PEX1: variants seen among roughly 807,000 people sequenced by gnomAD.
PEX1 encodes the protein peroxisomal biogenesis factor 1.
A neutral mutation model predicts 152.5 loss-of-function variants in PEX1; 97 were observed. The observed-to-expected ratio is 0.64, with a 90% confidence interval of 0.54 to 0.75. The LOEUF (loss-of-function observed/expected upper bound fraction) is 0.75. Ranked by LOEUF, PEX1 falls within the 30% of genes least tolerant of loss-of-function variation. PEX1 has a pLI of 0.00. For missense variants in PEX1, 1,357 were observed against 1,516.3 expected (o/e 0.89, Z 1.74); for synonymous variants, 485 against 531.6 (o/e 0.91, Z 1.21).
At chr7:92,508,956 A>C (rs1792324431) in intron 9 of PEX1, among the ~76,000 whole-genome samples, 1 of 152,062 alleles carries the variant, frequency 6.6e-6, no homozygotes, top group South Asian at 2.1e-4. Context: ...AAATGTATTT[A>C]TTTGTTCTAA....
At chr7:92,506,876 A>G in intron 10 of PEX1, 118 bp downstream of exon 10, 1 of 954,912 alleles carries the variant, frequency 1.0e-6, no homozygotes, top group Non-Finnish European at 1.7e-6. Context: ...ATGTCGTATA[A>G]ACCCTATATA....
chr7:92,501,999 C>T lies in PEX1; in HGVS notation c.2307G>A (p.Leu769=), dbSNP rs754561360. 11 of 1,612,996 alleles carry T rather than the reference C, an allele frequency of 6.8e-6. No homozygotes were observed. The South Asian group carries it at 1.1e-4, about 16-fold the overall frequency. Reference sequence around the variant, plus strand: ...CGCCAGTTTCTTTAGCTACATGCTGCAGGTCAAGATCGGTGAACTTGTTTA... The same window carrying T: ...CGCCAGTTTCTTTAGCTACATGCTGTAGGTCAAGATCGGTGAACTTGTTTA... ...CDINKFTDLD[L]QHVAKETGGF... The change falls in exon 14 of 24, where the codon CTG becomes CTA. Residue 769 remains leucine, a synonymous_variant. Coordinates refer to ENST00000248633, the MANE Select transcript of PEX1 (RefSeq NM_000466.3).
chr7:92,503,214 G>A lies in PEX1; in HGVS notation c.2072-19C>T, dbSNP rs1585233654. 1 of 1,607,756 alleles carries A rather than the reference G, an allele frequency of 6.2e-7. No individual in the cohort carries two copies. Among genetic ancestry groups the A allele is most frequent in the South Asian group, 1.1e-5 (1 of 90,860 alleles). ...TTCAAAGCTGGAATTAAGCAATATA[G>A]TGCAAAAGCTTAGGAAAAGTAAACA... On this transcript the variant is annotated intron_variant, in intron 12 of 23. Coordinates refer to ENST00000248633, the MANE Select transcript of PEX1 (RefSeq NM_000466.3).
At chr7:92,518,115 A>T (rs758863520) in intron 4 of PEX1, 26 bp downstream of exon 4, 68 of 1,604,090 alleles carry the variant, frequency 4.2e-5, no homozygotes, top group Non-Finnish European at 5.6e-5. Context: ...GTAGAATATG[A>T]CAGCAAATAT....
chr7:92,528,199 G>C, intron 1 of PEX1, 108 bp downstream of exon 1: 1 of 1,449,772 alleles, frequency 6.9e-7, no homozygotes, highest in South Asian at 1.2e-5. Context: ...ATCTCTGCGC[G>C]CTTCGGCGGC....
At chr7:92,516,856 C>T (rs149179480) in intron 5 of PEX1, among the ~76,000 whole-genome samples, 1 of 152,336 alleles carries the variant, frequency 6.6e-6, no homozygotes, top group East Asian at 1.9e-4. Flanking sequence ...TCTCTCCCTA[C>T]ACTGGCCCTT....
chr7:92,528,456 G>A lies in PEX1; in HGVS notation c.-21C>T, dbSNP rs751946720. ...CACATCGTCCCGGAGCGTCGCTCTG[G>A]GTTCGCCCACCCTAGCGCCGCAAAG... On this transcript the variant is annotated 5_prime_UTR_variant, in exon 1 of 24. Transcript: ENST00000248633. 1 of 1,569,562 alleles carries A rather than the reference G, an allele frequency of 6.4e-7. No individual in the cohort carries two copies. The highest frequency in any genetic ancestry group is 8.6e-7 in the Non-Finnish European group (1 of 1,160,086).
At chr7:92,509,194 T>C (rs2116193908) in intron 9 of PEX1, 135 bp downstream of exon 9, 1 of 677,892 alleles carries the variant, frequency 1.5e-6, no homozygotes, top group South Asian at 1.7e-5. Flanking sequence ...AGACAATCCT[T>C]GAAAAAATAT....
chr7:92,525,977 A>G (rs905581943), intron 1 of PEX1, among the ~76,000 whole-genome samples: 1 of 152,204 alleles, frequency 6.6e-6, no homozygotes, highest in African/African-American at 2.4e-5. Context: ...TGGCATGAGT[A>G]AGAGAACAGA....
chr7:92,488,729 ATT>A (rs199766658), intron 23 of PEX1, among the ~76,000 whole-genome samples: 24 of 142,472 alleles, frequency 1.7e-4, no homozygotes, highest in East Asian at 2.0e-4. Context: ...AAGTTACTAA[ATT>A]TTTTTTTTTT....
At position 92,528,501 on chromosome 7, in the gene PEX1, C is replaced by G. The variant is rs921298771; in HGVS notation, c.-66G>C. On this transcript the variant is annotated 5_prime_UTR_variant, in exon 1 of 24. Coordinates refer to ENST00000248633, the MANE Select transcript of PEX1 (RefSeq NM_000466.3). ...GCAAAGGACCCGGGACCCGGCAGGCCGAGGACGTCGGAGCCGGAGGAGATC... is the reference window on the plus strand; with the variant it reads ...GCAAAGGACCCGGGACCCGGCAGGCGGAGGACGTCGGAGCCGGAGGAGATC... 8.9e-5 allele frequency: 132 copies of G among 1,490,182 alleles called. No individual in the cohort carries two copies. Among genetic ancestry groups the G allele is most frequent in the Non-Finnish European group, 1.1e-4 (126 of 1,120,278 alleles). 92.3% of individuals were successfully genotyped at this position (1,490,182 alleles called of 1,614,324 possible).
intron 17 of PEX1, among the ~76,000 whole-genome samples, chr7:92,496,369 T>G (rs977932744): frequency 2.0e-5 from 3 of 152,084 alleles, no homozygotes; most frequent in Non-Finnish European, 4.4e-5. Flanking sequence ...AATTAGAAAC[T>G]GGGGGAAAAA....
In PEX1 at chr7:92,491,421, C is replaced by T. The variant is rs2116059445; in HGVS notation, c.3289G>A (p.Ala1097Thr). ...TCTAAGCCACATTCTCCATCTCCAG[C>T]TGAATCGTCAGAGCCACTGCTATGG... is the stretch of plus-strand genomic sequence containing the variant. ...LNHSSGSDDS[A>T]GDGECGLDQS... The change falls in exon 21 of 24, where the codon GCT (alanine) becomes ACT (threonine). Residue 1097 changes from alanine to threonine, a missense_variant. Transcript: ENST00000248633. The T allele has an allele frequency of 6.2e-7, 1 of 1,613,742 alleles. No homozygotes were observed. The highest frequency in any genetic ancestry group is 8.5e-7 in the Non-Finnish European group (1 of 1,179,682).
intron 10 of PEX1, chr7:92,506,688 A>G: frequency 2.0e-6 from 1 of 499,626 alleles, no homozygotes; most frequent in Non-Finnish European, 3.6e-6. Flanking sequence ...GGCTGGTTCA[A>G]CATTTGTAAG....
chr7:92,495,990 T>C (rs1791635088), intron 17 of PEX1, among the ~76,000 whole-genome samples: 1 of 152,134 alleles, frequency 6.6e-6, no homozygotes, highest in African/African-American at 2.4e-5. Context: ...CATTATCGTT[T>C]GCTCCCAAAT....
At chr7:92,523,250 T>C (rs1216904468) in intron 1 of PEX1, among the ~76,000 whole-genome samples, 1 of 152,236 alleles carries the variant, frequency 6.6e-6, no homozygotes, top group Non-Finnish European at 1.5e-5. Context: ...TGCAAGTTTT[T>C]CATATAGTTG....
chr7:92,508,724 CATATT>C (rs1197625314), intron 9 of PEX1, among the ~76,000 whole-genome samples: 2 of 151,888 alleles, frequency 1.3e-5, no homozygotes, highest in African/African-American at 2.4e-5. Context: ...AAGAGATTCT[CATATT>C]ATATAAGAAA....
rs371413721 is a variant in PEX1, at chr7:92,517,967, C to A, written c.548G>T (p.Arg183Leu). 2 of 1,611,388 alleles carry A rather than the reference C, an allele frequency of 1.2e-6. No individual in the cohort carries two copies. The highest frequency in any genetic ancestry group is 2.2e-5 in the South Asian group (2 of 90,628). Residue 183 changes from arginine (R) to leucine (L), a missense_variant, in exon 5 of 24, where the codon CGA (arginine) becomes CTA (leucine). Coordinates refer to ENST00000248633, the MANE Select transcript of PEX1 (RefSeq NM_000466.3). ...TKLLIQPKTRRAKENTFSKAD... is the reference protein window; with the variant it reads ...TKLLIQPKTRLAKENTFSKAD... ...TTTTGAAAATGTATTCTCTTTGGCT[C>A]GGCGTGTCTTTGGCTGAATAAGGAG...
Position 92,511,598 on chromosome 7 carries a change from T to G in PEX1, c.1465A>C (p.Lys489Gln). ...PLVISEEEFI[K>Q]LETKDGLKEF... is the part of the protein sequence containing the mutation. ...TACTCACCATCTTTAGTTTCCAGCT[T>G]AATAAATTCTTCCTCTGATATTACC... The change falls in exon 7 of 24, where the codon AAG (lysine) becomes CAG (glutamine). Residue 489 changes from lysine to glutamine, a missense_variant. Transcript: ENST00000248633. 1 of 1,611,344 alleles carries G rather than the reference T, an allele frequency of 6.2e-7. No individual in the cohort carries two copies. Among genetic ancestry groups the G allele is most frequent in the South Asian group, 1.1e-5 (1 of 91,044 alleles).
Sources: allele counts gnomAD v4.1 joint callset (sites outside exome capture counted in the v4.1 genomes callset), GRCh38; gene constraint gnomAD v4.1.1; transcripts MANE v1.5; gene names NCBI Gene and HGNC (gene_info 2026-07-23, HGNC 2026-07-21).